The following CDC45 variants were observed in gnomAD, a reference collection of about 807,000 sequenced individuals.
CDC45 encodes cell division cycle 45.
A neutral mutation model predicts 77.8 loss-of-function variants in CDC45; 54 were observed. That is an observed-to-expected ratio of 0.69 (90% CI 0.56 to 0.87). CDC45 has a LOEUF of 0.87. Among genes scored for constraint, CDC45 ranks in the 40% least tolerant of loss-of-function variants. The pLI is 0.00. For missense variants in CDC45, 649 were observed against 721.6 expected, an observed-to-expected ratio of 0.90 and a Z score of 1.15; for synonymous variants, 260 against 272.1, an observed-to-expected ratio of 0.96 and a Z score of 0.44.
chr22:19,515,070 G>A (rs532382401), intron 15 of CDC45, 22 bp downstream of exon 15: 4 of 1,577,886 alleles, frequency 2.5e-6, no homozygotes, highest in South Asian at 2.4e-5. Context: ...GGCGGGTGCT[G>A]TGGGTACAGG....
In CDC45 at chr22:19,514,793, A is replaced by T. The variant is rs756821468; in HGVS notation, c.1262A>T (p.Lys421Met). The T allele has an allele frequency of 1.2e-6, 2 of 1,614,024 alleles. No homozygotes were observed. The highest frequency in any genetic ancestry group is 2.2e-5 in the South Asian group (2 of 91,060). ...KLYHGLELAKKQLRATQQTIA... is the reference protein window; with the variant it reads ...KLYHGLELAKMQLRATQQTIA... Reference sequence around the variant, plus strand: ...TACCATGGCCTGGAACTCGCCAAGAAGCAGCTGCGAGCCACCCAGCAGACC... The same window carrying T: ...TACCATGGCCTGGAACTCGCCAAGATGCAGCTGCGAGCCACCCAGCAGACC... The change falls in exon 14 of 19, where the codon AAG becomes ATG. Residue 421 changes from lysine (K) to methionine (M), a missense_variant. By Grantham distance (95) the Lys-to-Met change is moderately conservative. Transcript: ENST00000263201.
chr22:19,480,466 AGC>A (rs1468285450), intron 2 of CDC45, among the ~76,000 whole-genome samples: 51 of 152,324 alleles, frequency 3.3e-4, no homozygotes, highest in African/African-American at 1.2e-3. Flanking sequence ...TTTTGCAATA[AGC>A]TATTAATATT....
intron 9 of CDC45, 94 bp from the exon 10 acceptor site, chr22:19,505,268 G>A: frequency 1.4e-6 from 2 of 1,479,020 alleles, no homozygotes; most frequent in South Asian, 2.4e-5. Context: ...GCAGGCCCCT[G>A]AGGAAGGCCT....
At chr22:19,515,078 A>G in intron 15 of CDC45, 30 bp downstream of exon 15, 1 of 1,562,652 alleles carries the variant, frequency 6.4e-7, no homozygotes, top group Admixed American at 1.8e-5. Flanking sequence ...CTGTGGGTAC[A>G]GGAGGGCAGG....
At chr22:19,505,717 G>C (rs901091006) in intron 10 of CDC45, among the ~76,000 whole-genome samples, 2 of 152,246 alleles carry the variant, frequency 1.3e-5, no homozygotes, top group Non-Finnish European at 2.9e-5. Context: ...TCCCTGTAAA[G>C]TGCTTATTGT....
intron 5 of CDC45, among the ~76,000 whole-genome samples, chr22:19,492,944 G>T (rs2090174938): frequency 6.6e-6 from 1 of 152,134 alleles, no homozygotes; most frequent in African/African-American, 2.4e-5. Flanking sequence ...TCCCACCATT[G>T]GTTCTCCCAC....
chr22:19,481,518 A>G (rs2089982755), intron 3 of CDC45, among the ~76,000 whole-genome samples: 1 of 151,784 alleles, frequency 6.6e-6, no homozygotes, highest in Non-Finnish European at 1.5e-5. Flanking sequence ...AGCTGGGACT[A>G]CAGGCACCCG....
Position 19,505,416 on chromosome 22 carries a change from C to T in CDC45, c.759C>T (p.Asn253=). Residue 253 remains asparagine (N), a synonymous_variant, in exon 10 of 19, where the codon AAC becomes AAT. Transcript: ENST00000263201. ...GVLQRHVSRH[N]HRNEDEENTL... The stretch of plus-strand genomic sequence containing the variant: ...TGCAGCGCCACGTTTCCCGCCACAA[C>T]CACCGGAACGAGGATGAGGAGAACA... 1 of 1,614,106 alleles carries T rather than the reference C, an allele frequency of 6.2e-7. No individual in the cohort carries two copies. The highest frequency in any genetic ancestry group is 1.7e-5 in the Admixed American group (1 of 60,026).
At chr22:19,513,610 A>G (rs2146435195) in intron 13 of CDC45, among the ~76,000 whole-genome samples, 1 of 152,232 alleles carries the variant, frequency 6.6e-6, no homozygotes, top group African/African-American at 2.4e-5. Flanking sequence ...TGGATGTCCA[A>G]ATCTTGGCTG....
chr22:19,512,714 A>G (rs1933581913), intron 13 of CDC45, among the ~76,000 whole-genome samples: 2 of 152,082 alleles, frequency 1.3e-5, no homozygotes, highest in South Asian at 4.1e-4. Context: ...ACTTTAACAT[A>G]TTTATGTCTT....
At chr22:19,508,773 A>C (rs1933353845) in intron 13 of CDC45, 82 bp downstream of exon 13, 2 of 1,376,150 alleles carry the variant, frequency 1.5e-6, no homozygotes, top group Admixed American at 2.0e-5. Flanking sequence ...CGGGGACCCC[A>C]GGGCTGTGGG....
intron 13 of CDC45, 135 bp downstream of exon 13, chr22:19,508,826 A>T (rs968219151): frequency 1.4e-6 from 1 of 730,960 alleles, no homozygotes; most frequent in Admixed American, 2.5e-5. Context: ...AACTGGAATC[A>T]CAGTGCCAGT....
chr22:19,482,807 A>G lies in CDC45; in HGVS notation c.322A>G (p.Asn108Asp). 1 of 1,614,132 alleles carries G rather than the reference A, an allele frequency of 6.2e-7. No homozygotes were observed. Among genetic ancestry groups the G allele is most frequent in the Non-Finnish European group, 8.5e-7 (1 of 1,179,966 alleles). Residue 108 changes from asparagine to aspartate, a missense_variant, in exon 4 of 19, where the codon AAT (asparagine) becomes GAT (aspartate). By Grantham distance (23) the Asn-to-Asp change is conservative. Coordinates refer to ENST00000263201, the MANE Select transcript of CDC45 (RefSeq NM_003504.5). Reference sequence around the variant, plus strand: ...CACCCATAGGCCAGTCAATGTCGTCAATGTATACAACGATACCCAGGTACT... The same window carrying G: ...CACCCATAGGCCAGTCAATGTCGTCGATGTATACAACGATACCCAGGTACT... Reference protein sequence around the residue: ...CDTHRPVNVVNVYNDTQIKLL... With the variant: ...CDTHRPVNVVDVYNDTQIKLL...
chr22:19,510,189 G>A (rs1191587035), intron 13 of CDC45, among the ~76,000 whole-genome samples: 5 of 152,066 alleles, frequency 3.3e-5, no homozygotes, highest in African/African-American at 1.2e-4. Context: ...AAATTCCTAG[G>A]CTCAAGCAAT....
chr22:19,494,908 G>A (rs761344765), intron 6 of CDC45, among the ~76,000 whole-genome samples: 1 of 152,122 alleles, frequency 6.6e-6, no homozygotes, highest in Non-Finnish European at 1.5e-5. Context: ...TAAGGACAAC[G>A]TAAGACAGGT....
At chr22:19,498,495 C>T (rs2090283987) in intron 8 of CDC45, among the ~76,000 whole-genome samples, 1 of 152,364 alleles carries the variant, frequency 6.6e-6, no homozygotes, top group Middle Eastern at 3.4e-3. Flanking sequence ...GGCCGTCATG[C>T]TGGGGAAGCC....
rs1462641034 is a variant in CDC45 at position 19,507,937 on chromosome 22, G to A, written c.1055+73G>A. 4 of 1,043,074 alleles carry A rather than the reference G, an allele frequency of 3.8e-6. No homozygotes were observed. In the African/African-American group the frequency reaches 6.4e-5, roughly 17 times the overall value. The allele number at this position is 1,043,074 out of a possible 1,614,324, so 64.6% of individuals were successfully genotyped here. On this transcript the variant is annotated intron_variant, in intron 12 of 18. Coordinates refer to ENST00000263201, the MANE Select transcript of CDC45 (RefSeq NM_003504.5). ...TAAAGTGAAGGGTTCTACTTTAACT[G>A]TGCTCCTAAAATAATGCAAAAAAAA... is the stretch of plus-strand genomic sequence containing the variant.
At chr22:19,488,270 T>C (rs1336066081) in intron 5 of CDC45, among the ~76,000 whole-genome samples, 1 of 152,272 alleles carries the variant, frequency 6.6e-6, no homozygotes, top group Non-Finnish European at 1.5e-5. Context: ...CTTTTCCTTA[T>C]GCTCATGGAT....
At chr22:19,502,309 C>T (rs910297281) in intron 9 of CDC45, among the ~76,000 whole-genome samples, 4 of 152,072 alleles carry the variant, frequency 2.6e-5, no homozygotes, top group African/African-American at 4.8e-5. Flanking sequence ...GTTTTGAAGA[C>T]GTTTCTATTT....
Sources: gnomAD v4.1 joint callset for allele counts (sites outside exome capture counted in the v4.1 genomes callset) on GRCh38, gnomAD v4.1.1 for gene constraint, MANE v1.5 for transcripts, NCBI Gene and HGNC (gene_info 2026-07-23, HGNC 2026-07-21) for gene names.